The following GSKIP variants were observed in gnomAD, a reference collection of about 807,000 sequenced individuals.
GSKIP encodes GSK3B interacting protein.
A neutral mutation model predicts 11.9 loss-of-function variants in GSKIP; 5 were observed. The ratio of observed to expected loss-of-function variants is 0.42; its 90% CI spans 0.22 to 0.89. The LOEUF (loss-of-function observed/expected upper bound fraction) is 0.89. GSKIP is among the 40% of genes least tolerant of loss of function. GSKIP has a pLI of 0.29. For synonymous variants in GSKIP, 70 were observed against 62.9 expected, an observed-to-expected ratio of 1.11 and a Z score of -0.54; for missense variants, 150 against 166.6, an observed-to-expected ratio of 0.90 and a Z score of 0.55.
chr14:96,368,672 A>G (rs1333870729), intron 1 of GSKIP, among the ~76,000 whole-genome samples: 8 of 152,094 alleles, frequency 5.3e-5, no homozygotes. Flanking sequence ...TGGATCCCTC[A>G]TGAATGGCTT....
intron 1 of GSKIP, among the ~76,000 whole-genome samples, chr14:96,372,765 A>G (rs984840148): frequency 2.0e-5 from 3 of 152,202 alleles, no homozygotes; most frequent in South Asian, 2.1e-4. Flanking sequence ...AATTGAGGAC[A>G]TAGAGCTGGA....
chr14:96,385,496 G>T lies in GSKIP; in HGVS notation c.259-27G>T, dbSNP rs539950969. 1.2e-4 allele frequency: 183 copies of T among 1,581,916 alleles called. 2 individuals are homozygous for T. The South Asian group carries it at 1.9e-3, about 16-fold the overall frequency. On this transcript the variant is annotated intron_variant, in intron 3 of 3. Transcript: ENST00000555181. ...TTTCTGTACCAACATGAAAACTAAT[G>T]AATTCACTGTTGCATTTCTCTTGTA...
chr14:96,383,998 G>A (rs147978591), intron 3 of GSKIP, among the ~76,000 whole-genome samples: 1 of 152,128 alleles, frequency 6.6e-6, no homozygotes, highest in South Asian at 2.1e-4. Context: ...GTGATCTTGA[G>A]TGAGTCCGTC....
Position 96,386,061 on chromosome 14 carries a change from T to A in GSKIP, c.*377T>A. The A allele has an allele frequency of 6.4e-6, 1 of 155,704 alleles. No individual in the cohort carries two copies. Among genetic ancestry groups the A allele is most frequent in the Non-Finnish European group, 1.4e-5 (1 of 69,992 alleles). 9.6% of individuals were successfully genotyped at this position (155,704 alleles called of 1,614,324 possible). ...AATTAGAAGTACCTAACTATACACT[T>A]TGATTCAGCCTGCTAAATCAGGGGT... On this transcript the variant is annotated 3_prime_UTR_variant, in exon 4 of 4. Transcript: ENST00000555181.
chr14:96,370,095 G>A (rs1271509468), intron 1 of GSKIP, among the ~76,000 whole-genome samples: 1 of 152,170 alleles, frequency 6.6e-6, no homozygotes, highest in Non-Finnish European at 1.5e-5. Flanking sequence ...TGCCCTGATG[G>A]GCTTTAGATT....
intron 1 of GSKIP, among the ~76,000 whole-genome samples, chr14:96,367,759 G>A (rs990798483): frequency 6.6e-6 from 1 of 152,194 alleles, no homozygotes; most frequent in Non-Finnish European, 1.5e-5. Flanking sequence ...AAAAATTATG[G>A]AGAAAGAGCT....
intron 1 of GSKIP, among the ~76,000 whole-genome samples, chr14:96,373,245 A>AG (rs1306297108): frequency 3.3e-5 from 5 of 151,344 alleles, no homozygotes; most frequent in Non-Finnish European, 7.4e-5. Context: ...AAAAAAAAAA[A>AG]AAAAAAAGAA....
In GSKIP at chr14:96,385,752, C is replaced by G. The variant is rs1318075522; in HGVS notation, c.*68C>G. On this transcript the variant is annotated 3_prime_UTR_variant, in exon 4 of 4. Transcript: ENST00000555181. ...GTTGATATAAAGCTTAAAATTCTTGCATATGGTCATAGAAAATGCATCTTT... is the reference window on the plus strand; with the variant it reads ...GTTGATATAAAGCTTAAAATTCTTGGATATGGTCATAGAAAATGCATCTTT... 1 of 1,250,122 alleles carries G rather than the reference C, an allele frequency of 8.0e-7. No individual in the cohort carries two copies. The highest frequency in any genetic ancestry group is 1.1e-6 in the Non-Finnish European group (1 of 906,284). 77.4% of individuals were successfully genotyped at this position (1,250,122 alleles called of 1,614,324 possible).
chr14:96,386,943 G>C lies in GSKIP; in HGVS notation c.*1259G>C, dbSNP rs1889505002. 1 of 152,326 alleles carries C rather than the reference G, an allele frequency of 6.6e-6. No homozygotes were observed. The highest frequency in any genetic ancestry group is 1.5e-5 in the Non-Finnish European group (1 of 68,008). The allele number at this position is 152,326 out of a possible 1,614,324, so 9.4% of individuals were successfully genotyped here. A position where few individuals can be genotyped will look rare whatever the true frequency, so the allele number is the denominator to read the frequency against. On this transcript the variant is annotated 3_prime_UTR_variant, in exon 4 of 4. Transcript: ENST00000555181. ...TACCTTCATGCATTTATCATTTGCA[G>C]ATATTTTTCCATCATTATTAAAAAA... is the stretch of plus-strand genomic sequence containing the variant.
chr14:96,365,807 C>G (rs1355395775), intron 1 of GSKIP, among the ~76,000 whole-genome samples: 1 of 151,914 alleles, frequency 6.6e-6, no homozygotes, highest in Admixed American at 6.6e-5. Flanking sequence ...GCACTCCAGC[C>G]TGGGCAACAG....
At chr14:96,374,615 C>T (rs1265387990) in intron 1 of GSKIP, among the ~76,000 whole-genome samples, 2 of 152,138 alleles carry the variant, frequency 1.3e-5, no homozygotes, top group Non-Finnish European at 2.9e-5. Flanking sequence ...AGTTCTTCCA[C>T]CTTAGACTCC....
rs574830336 is a variant in GSKIP, at chr14:96,381,490, A to G, written c.-1-757A>G. On this transcript the variant is annotated intron_variant, in intron 2 of 3. Transcript: ENST00000555181. ...TTAAAATGTAATCATGGTATGGGGA[A>G]GGCCTAGAGCAGAACCCCAATCCAG... Among the ~76,000 whole-genome samples the G allele has an allele frequency of 5.3e-5, 8 of 152,300 alleles. No homozygotes were observed. The South Asian group carries it at 1.7e-3, about 32-fold the overall frequency.
intron 1 of GSKIP, among the ~76,000 whole-genome samples, chr14:96,365,674 T>G (rs1280920448): frequency 6.6e-6 from 1 of 151,646 alleles, no homozygotes; most frequent in Non-Finnish European, 1.5e-5. Flanking sequence ...TTACCAAAAA[T>G]ATATAAAAAA....
At chr14:96,378,763 C>T (rs1889269002) in intron 1 of GSKIP, among the ~76,000 whole-genome samples, 1 of 152,194 alleles carries the variant, frequency 6.6e-6, no homozygotes. Context: ...CTAAATCAAT[C>T]ACTGCCTTTC....
chr14:96,385,054 A>C (rs1441214108), intron 3 of GSKIP, among the ~76,000 whole-genome samples: 1 of 152,192 alleles, frequency 6.6e-6, no homozygotes, highest in African/African-American at 2.4e-5. Context: ...TTATAAAAGA[A>C]GTGAAAAATA....
At chr14:96,366,747 T>TA (rs1491376313) in intron 1 of GSKIP, among the ~76,000 whole-genome samples, 2 of 151,560 alleles carry the variant, frequency 1.3e-5, no homozygotes, top group Admixed American at 1.3e-4. Context: ...TAATAAATTT[T>TA]AAAAAAGAAA....
chr14:96,376,787 T>TTATTAGTATTCTAGTATTTTATTAG (rs1470086757), intron 1 of GSKIP, among the ~76,000 whole-genome samples: 1 of 152,210 alleles, frequency 6.6e-6, no homozygotes, highest in Non-Finnish European at 1.5e-5. Flanking sequence ...TAGATATCTT[T>TTATTAGTATTCTAGTATTTTATTAG]TATTAGTATT....
Position 96,385,426 on chromosome 14 carries a change from AT to A in GSKIP, c.259-90del, listed in dbSNP as rs1237989965. ...TAGTGGCTAGGAAAAGAAATAATTT[AT>A]TTTTTTGAAAGGATGATTACTCACA... is the stretch of plus-strand genomic sequence containing the variant. On this transcript the variant is annotated intron_variant, in intron 3 of 3. Transcript: ENST00000555181. The A allele has an allele frequency of 1.6e-5, 15 of 923,424 alleles. No individual in the cohort carries two copies. The African/African-American group carries it at 1.7e-4, about 10-fold the overall frequency. 57.2% of individuals were successfully genotyped at this position (923,424 alleles called of 1,614,324 possible). A position where few individuals can be genotyped will look rare whatever the true frequency, so the allele number is the denominator to read the frequency against.
intron 1 of GSKIP, among the ~76,000 whole-genome samples, chr14:96,378,218 A>G (rs1033589356): frequency 6.6e-6 from 1 of 152,104 alleles, no homozygotes; most frequent in African/African-American, 2.4e-5. Context: ...CCCGGACCTG[A>G]TGGCACCCAC....
Sources: gnomAD v4.1 joint callset for allele counts (sites outside exome capture counted in the v4.1 genomes callset) on GRCh38, gnomAD v4.1.1 for gene constraint, MANE v1.5 for transcripts, NCBI Gene and HGNC (gene_info 2026-07-23, HGNC 2026-07-21) for gene names.